SOX6: variants seen among roughly 807,000 people sequenced by gnomAD.
The protein encoded by SOX6 is SRY-box transcription factor 6.
Under a neutral mutation model 97.8 loss-of-function variants are expected in SOX6, and 11 were observed. That is an observed-to-expected ratio of 0.11 (90% CI 0.07 to 0.19). The LOEUF (loss-of-function observed/expected upper bound fraction) is 0.19, where lower values mean the gene tolerates loss of function less well. Ranked by LOEUF, SOX6 falls within the 10% of genes least tolerant of loss-of-function variation. SOX6 has a pLI of 1.00. For missense variants in SOX6, 810 were observed against 1,039.5 expected, an observed-to-expected ratio of 0.78 and a Z score of 3.04; for synonymous variants, 360 against 371.4, an observed-to-expected ratio of 0.97 and a Z score of 0.35.
chr11:16,278,893 T>C (rs1022426056), intron 3 of SOX6, among the ~76,000 whole-genome samples: 2 of 152,100 alleles, frequency 1.3e-5, no homozygotes, highest in African/African-American at 2.4e-5. Flanking sequence ...ATCCAGTTGA[T>C]CAAGCCTTCA....
At chr11:16,376,767 T>C (rs1340130595) in intron 1 of SOX6, among the ~76,000 whole-genome samples, 1 of 151,964 alleles carries the variant, frequency 6.6e-6, no homozygotes, top group Non-Finnish European at 1.5e-5. Context: ...CAGGCAACTG[T>C]TAAAAATGGG....
chr11:16,250,621 TAAAGA>T (rs1167802255), intron 3 of SOX6, among the ~76,000 whole-genome samples: 4 of 151,872 alleles, frequency 2.6e-5, no homozygotes, highest in African/African-American at 9.7e-5. Flanking sequence ...GAAGCATCAA[TAAAGA>T]AAAGTATCAC....
chr11:16,563,836 C>CA (rs983167029), intron 4 of SOX6, among the ~76,000 whole-genome samples: 3 of 151,966 alleles, frequency 2.0e-5, no homozygotes, highest in African/African-American at 4.8e-5. Context: ...AAACTAAAAA[C>CA]AAAAAAATCT....
chr11:16,519,242 T>A (rs527391744), intron 4 of SOX6, among the ~76,000 whole-genome samples: 1 of 152,284 alleles, frequency 6.6e-6, no homozygotes, highest in East Asian at 1.9e-4. Context: ...TGCAGATTTG[T>A]CACCTGAGTA....
chr11:15,973,940 G>T (rs1329914667), intron 15 of SOX6, among the ~76,000 whole-genome samples: 2 of 152,174 alleles, frequency 1.3e-5, no homozygotes. Flanking sequence ...CTCTTCCTCT[G>T]CAGGGAGACA....
chr11:16,493,057 T>C (rs905402223), intron 4 of SOX6, among the ~76,000 whole-genome samples: 2 of 152,182 alleles, frequency 1.3e-5, no homozygotes, highest in African/African-American at 4.8e-5. Context: ...CTTGACATTA[T>C]CTAATATAGA....
At chr11:16,453,857 C>A (rs1859764698) in intron 1 of SOX6, among the ~76,000 whole-genome samples, 1 of 152,052 alleles carries the variant, frequency 6.6e-6, no homozygotes, top group Non-Finnish European at 1.5e-5. Context: ...TGATAACAAG[C>A]CACACATTGC....
chr11:16,189,685 G>T (rs917587506), intron 4 of SOX6, among the ~76,000 whole-genome samples: 7 of 114,188 alleles, frequency 6.1e-5, no homozygotes, highest in Admixed American at 4.8e-4. Flanking sequence ...TTGCAGTGTG[G>T]TGAATAGATT....
intron 4 of SOX6, among the ~76,000 whole-genome samples, chr11:16,198,321 C>G (rs1441756715): frequency 1.3e-5 from 2 of 150,572 alleles, no homozygotes; most frequent in African/African-American, 4.9e-5. Flanking sequence ...GGTGATCCAC[C>G]CACCTTGGCC....
intron 3 of SOX6, among the ~76,000 whole-genome samples, chr11:16,247,047 T>G (rs562552014): frequency 1.2e-4 from 19 of 152,290 alleles, no homozygotes; most frequent in Non-Finnish European, 2.4e-4. Flanking sequence ...TATCCCCATT[T>G]TATCCCCTGC....
At chr11:16,456,434 A>T (rs1859811668) in intron 1 of SOX6, among the ~76,000 whole-genome samples, 1 of 152,108 alleles carries the variant, frequency 6.6e-6, no homozygotes, top group Admixed American at 6.6e-5. Flanking sequence ...ACATGTCTTC[A>T]GCTGAAAATA....
chr11:16,711,054 C>G (rs1487199451), intron 3 of SOX6, among the ~76,000 whole-genome samples: 1 of 152,120 alleles, frequency 6.6e-6, no homozygotes, highest in Admixed American at 6.5e-5. Context: ...TAAGATATAT[C>G]TTGAATTGCT....
At chr11:16,132,303 G>A (rs1017525856) in intron 6 of SOX6, among the ~76,000 whole-genome samples, 6 of 116,666 alleles carry the variant, frequency 5.1e-5, no homozygotes, top group South Asian at 2.8e-4. Context: ...AGGAAGGAAG[G>A]AAGGAAGGAA....
intron 7 of SOX6, 36 bp downstream of exon 7, chr11:16,111,767 C>T (rs1471045098): frequency 6.2e-7 from 1 of 1,611,968 alleles, no homozygotes; most frequent in Admixed American, 1.7e-5. Context: ...CAGATCTGAG[C>T]ATTTGGAAAA....
rs566740624 is a variant in SOX6 at position 16,410,054 on chromosome 11, T to C, written c.-5+66261A>G. On this transcript the variant is annotated intron_variant, in intron 1 of 15. Coordinates refer to the SOX6 transcript ENST00000396356. ...GAGATGTTGGTTAAAGGGTACAAAG[T>C]TGCAATTAGGCAGGAGGAACACATG... 5.9e-5 allele frequency among the ~76,000 whole-genome samples: 9 copies of C among 152,218 alleles called. No individual in the cohort carries two copies. In the South Asian group the frequency reaches 1.9e-3, roughly 32 times the overall value.
At chr11:16,120,883 G>C (rs1347472703) in intron 6 of SOX6, among the ~76,000 whole-genome samples, 1 of 151,986 alleles carries the variant, frequency 6.6e-6, no homozygotes, top group Non-Finnish European at 1.5e-5. Context: ...CTCTTCCATA[G>C]TTACAGAGGA....
At chr11:16,070,475 G>C (rs537635539) in intron 9 of SOX6, among the ~76,000 whole-genome samples, 1 of 152,304 alleles carries the variant, frequency 6.6e-6, no homozygotes, top group Non-Finnish European at 1.5e-5. Flanking sequence ...ATTTTGGAAT[G>C]CATTCAGGAG....
chr11:16,701,893 CAA>C (rs760384949), intron 3 of SOX6, among the ~76,000 whole-genome samples: 1 of 135,796 alleles, frequency 7.4e-6, no homozygotes, highest in African/African-American at 2.7e-5. Context: ...GACTCCGTCT[CAA>C]AAAAAAAAAG....
intron 4 of SOX6, among the ~76,000 whole-genome samples, chr11:16,503,193 C>T (rs930274327): frequency 3.3e-5 from 5 of 151,558 alleles, no homozygotes; most frequent in African/African-American, 1.2e-4. Flanking sequence ...ACAGGACAAG[C>T]TCTACAAGAA....
Sources: allele counts gnomAD v4.1 joint callset (sites outside exome capture counted in the v4.1 genomes callset), GRCh38; gene constraint gnomAD v4.1.1; transcripts MANE v1.5; gene names NCBI Gene and HGNC (gene_info 2026-07-23, HGNC 2026-07-21).